Variants in TACC2 observed in about 807,000 individuals in gnomAD.
TACC2 encodes transforming acidic coiled-coil containing protein 2, also known as transforming acidic coiled-coil-containing protein 2.
Under a neutral mutation model 227.3 loss-of-function variants are expected in TACC2, and 137 were observed. The ratio of observed to expected loss-of-function variants is 0.60; its 90% confidence interval spans 0.52 to 0.69. The LOEUF (loss-of-function observed/expected upper bound fraction) is 0.69, where lower values mean the gene tolerates loss of function less well. Among genes scored for constraint, TACC2 ranks in the 30% least tolerant of loss-of-function variants. The probability of loss-of-function intolerance (pLI) is 0.00; values close to 1 mark genes in which losing one functional copy is unlikely to be tolerated. For synonymous variants in TACC2, 1,523 were observed against 1,487.5 expected (o/e 1.02, Z -0.55); for missense variants, 3,470 against 3,694.4 (o/e 0.94, Z 1.57).
At chr10:122,204,989 C>G (rs2095055571) in intron 8 of TACC2, among the ~76,000 whole-genome samples, 2 of 152,160 alleles carry the variant, frequency 1.3e-5, no homozygotes, top group African/African-American at 4.8e-5. Context: ...CTAGCAAAGC[C>G]TCCCCTTAGG....
intron 7 of TACC2, among the ~76,000 whole-genome samples, chr10:122,165,138 C>A (rs1222194339): frequency 6.6e-6 from 1 of 152,208 alleles, no homozygotes; most frequent in South Asian, 2.1e-4. Context: ...CATCGTCTTA[C>A]AATGGAGGCA....
intron 3 of TACC2, among the ~76,000 whole-genome samples, chr10:122,078,421 A>G (rs546739602): frequency 6.6e-6 from 1 of 152,134 alleles, no homozygotes; most frequent in East Asian, 1.9e-4. Context: ...TTAAGAACCC[A>G]TCTGCATCCC....
intron 18 of TACC2, chr10:122,241,630 G>A (rs2095996797): frequency 2.6e-6 from 1 of 388,000 alleles, no homozygotes; most frequent in East Asian, 4.5e-5. Flanking sequence ...ATCTGGCTGT[G>A]TTGCCCAAGG....
intron 19 of TACC2, 79 bp downstream of exon 19, chr10:122,242,080 T>C: frequency 7.5e-7 from 1 of 1,335,732 alleles, no homozygotes; most frequent in Non-Finnish European, 1.1e-6. Flanking sequence ...GATAGGAGGC[T>C]CAGAGTGGGT....
intron 7 of TACC2, among the ~76,000 whole-genome samples, chr10:122,183,205 AAAAAAAAC>A (rs1219814850): frequency 3.2e-5 from 3 of 95,014 alleles, no homozygotes; most frequent in African/African-American, 1.1e-4. Context: ...ACTCTGTCTC[AAAAAAAAC>A]AAAAAAACAA....
Position 122,180,499 on chromosome 10 carries a change from G to C in TACC2, c.5835-14541G>C, listed in dbSNP as rs1428360292. Among the ~76,000 whole-genome samples, 1 of 151,806 alleles carries C rather than the reference G, an allele frequency of 6.6e-6. No individual in the cohort carries two copies. Among genetic ancestry groups the C allele is most frequent in the Non-Finnish European group, 1.5e-5 (1 of 67,974 alleles). ...ACTACAGGCGCCCGCCACCACACCCGGCTAATTTTTTTGTGTTTTTGGTAG... is the reference window on the plus strand; with the variant it reads ...ACTACAGGCGCCCGCCACCACACCCCGCTAATTTTTTTGTGTTTTTGGTAG... On this transcript the variant is annotated intron_variant, in intron 7 of 22. Transcript: ENST00000369005. This position sits in a 1 kb window ranked among gnomAD's most constrained non-coding sequence, Gnocchi z 4.5.
At chr10:122,193,514 C>T (rs1191870346) in intron 7 of TACC2, among the ~76,000 whole-genome samples, 2 of 152,144 alleles carry the variant, frequency 1.3e-5, no homozygotes, top group Non-Finnish European at 2.9e-5. Context: ...GGTTGCACGG[C>T]TCGGTGACAC....
intron 3 of TACC2, among the ~76,000 whole-genome samples, chr10:122,069,717 T>C (rs1311334282): frequency 6.6e-6 from 1 of 152,106 alleles, no homozygotes; most frequent in Non-Finnish European, 1.5e-5. Context: ...CTTTCTTGGG[T>C]TTTAAATAGG....
intron 3 of TACC2, among the ~76,000 whole-genome samples, chr10:122,071,631 T>C (rs1284088379): frequency 6.8e-6 from 1 of 147,976 alleles, no homozygotes; most frequent in African/African-American, 2.5e-5. Context: ...CCCAGCACTT[T>C]GGGAGGCCGA....
chr10:122,050,382 T>G lies in TACC2; in HGVS notation c.34-56T>G. 1 of 1,399,264 alleles carries G rather than the reference T, an allele frequency of 7.1e-7. No individual in the cohort carries two copies. The highest frequency in any genetic ancestry group is 1.0e-6 in the Non-Finnish European group (1 of 994,760). 86.7% of individuals were successfully genotyped at this position (1,399,264 alleles called of 1,614,324 possible). On this transcript the variant is annotated intron_variant, in intron 2 of 22. Coordinates refer to ENST00000369005, the MANE Select transcript of TACC2 (RefSeq NM_206862.4). This position sits in a 1 kb window ranked among gnomAD's most constrained non-coding sequence, Gnocchi z 4.6. ...GGTGCCCTGTTGATAAATGTTTTTG[T>G]GTTTTCAGAGACTCCTATCTGATTT...
chr10:122,131,952 G>A (rs920146416), intron 5 of TACC2, among the ~76,000 whole-genome samples: 3 of 152,056 alleles, frequency 2.0e-5, no homozygotes, highest in Non-Finnish European at 4.4e-5. Context: ...AACCCGTGAG[G>A]CGGCGGTTGC....
Position 122,082,741 on chromosome 10 carries a change from A to T in TACC2, c.241A>T (p.Arg81Trp), listed in dbSNP as rs574835006. Reference protein sequence around the residue: ...CLVSPEVTEPRKDPQGARGPE... With the variant: ...CLVSPEVTEPWKDPQGARGPE... Reference sequence around the variant, plus strand: ...TGTGTCCCCAGAGGTGACTGAGCCAAGGAAGGACCCACAGGGAGCCAGGGG... The same window carrying T: ...TGTGTCCCCAGAGGTGACTGAGCCATGGAAGGACCCACAGGGAGCCAGGGG... The change falls in exon 4 of 23, where the codon AGG (arginine) becomes TGG (tryptophan). Residue 81 changes from arginine to tryptophan, a missense_variant. Arg to Trp is a moderately radical substitution (Grantham distance 101). Around this residue, in one of 10 missense-constraint regions of TACC2, gnomAD observed 405 missense variants for 389.6 expected, o/e 1.04. Coordinates refer to ENST00000369005, the MANE Select transcript of TACC2 (RefSeq NM_206862.4). 2 of 1,614,084 alleles carry T rather than the reference A, an allele frequency of 1.2e-6. No homozygotes were observed. Among genetic ancestry groups the T allele is most frequent in the South Asian group, 1.1e-5 (1 of 91,080 alleles).
At chr10:122,063,230 C>G (rs1038137432) in intron 3 of TACC2, among the ~76,000 whole-genome samples, 4 of 152,350 alleles carry the variant, frequency 2.6e-5, no homozygotes, top group African/African-American at 4.8e-5. Context: ...CCAGCTCTTA[C>G]AGACAGAGCC....
intron 7 of TACC2, among the ~76,000 whole-genome samples, chr10:122,168,550 T>C (rs536359781): frequency 6.6e-6 from 1 of 152,258 alleles, no homozygotes; most frequent in African/African-American, 2.4e-5. Context: ...AGGCTTTCTC[T>C]TAGGTGGGCT....
At chr10:122,142,364 C>T (rs572090279) in intron 6 of TACC2, among the ~76,000 whole-genome samples, 3 of 152,340 alleles carry the variant, frequency 2.0e-5, no homozygotes, top group Non-Finnish European at 4.4e-5. Flanking sequence ...GGCCCCTGTC[C>T]TCGTGGAGCT....
intron 6 of TACC2, 46 bp downstream of exon 6, chr10:122,132,780 T>C: frequency 1.2e-6 from 2 of 1,604,336 alleles, no homozygotes; most frequent in Non-Finnish European, 1.7e-6. Flanking sequence ...CAGGGCCCAA[T>C]CCTTGAGGCT....
At chr10:122,122,686 C>T (rs2086072683) in intron 5 of TACC2, among the ~76,000 whole-genome samples, 1 of 152,014 alleles carries the variant, frequency 6.6e-6, no homozygotes, top group Admixed American at 6.5e-5. Context: ...GATTTCCTGG[C>T]TCCTGTGCTC....
At chr10:122,241,729 G>A (rs1020379916) in intron 18 of TACC2, 8 of 583,618 alleles carry the variant, frequency 1.4e-5, no homozygotes, top group Admixed American at 2.9e-5. Flanking sequence ...TACCTGGTTT[G>A]ATTTTTTTTC....
chr10:122,011,087 C>T (rs949288778), intron 1 of TACC2, among the ~76,000 whole-genome samples: 7 of 152,160 alleles, frequency 4.6e-5, no homozygotes, highest in East Asian at 1.9e-4. Flanking sequence ...CAATCTAAGA[C>T]GATGGTCCAA....
Sources: gnomAD v4.1 joint callset for allele counts (sites outside exome capture counted in the v4.1 genomes callset) on GRCh38, gnomAD v4.1.1 for gene constraint, gnomAD v4.1.1 regional missense constraint, Gnocchi (gnomAD v3.1) non-coding constraint, MANE v1.5 for transcripts, NCBI Gene and HGNC (gene_info 2026-07-23, HGNC 2026-07-21) for gene names.